The following RGPD3 variants were observed in gnomAD, a reference collection of about 807,000 sequenced individuals.
RGPD3 encodes the protein ranBP2-like and GRIP domain-containing protein 3.
A neutral mutation model predicts 154.5 loss-of-function variants in RGPD3; 62 were observed. The ratio of observed to expected loss-of-function variants is 0.40; its 90% CI spans 0.33 to 0.50. RGPD3 has a LOEUF of 0.50. Ranked by LOEUF, RGPD3 falls within the 20% of genes least tolerant of loss-of-function variation. RGPD3 has a pLI of 0.59. For missense variants in RGPD3, 919 were observed against 1,716.8 expected, an observed-to-expected ratio of 0.54 and a Z score of 8.21; for synonymous variants, 308 against 607.0, an observed-to-expected ratio of 0.51 and a Z score of 7.24.
chr2:106,469,825 T>C (rs575015110), upstream of RGPD3, among the ~76,000 whole-genome samples: 436 of 152,310 alleles, frequency 2.9e-3, 3 homozygotes, highest in African/African-American at 0.01. Context: ...CAACCTCACT[T>C]GGAGGCTAAC....
chr2:106,469,321 T>A (rs1223627573), upstream of RGPD3, among the ~76,000 whole-genome samples: 1 of 150,210 alleles, frequency 6.7e-6, no homozygotes, highest in Non-Finnish European at 1.5e-5. Flanking sequence ...AAAAAGGCAC[T>A]ATTACCAGGC....
intron 22 of RGPD3, among the ~76,000 whole-genome samples, chr2:106,409,817 T>C (rs1676614961): frequency 6.6e-6 from 1 of 151,176 alleles, no homozygotes; most frequent in Non-Finnish European, 1.5e-5. Flanking sequence ...TCTTGTTTTT[T>C]GTTTCTCCCA....
chr2:106,436,349 GA>G (rs1677551646), intron 11 of RGPD3, 64 bp downstream of exon 11: 1 of 1,610,154 alleles, frequency 6.2e-7, no homozygotes. Flanking sequence ...ATCTTCACAC[GA>G]GGATTAAATC....
intron 22 of RGPD3, among the ~76,000 whole-genome samples, chr2:106,407,245 C>T (rs1676543145): frequency 4.6e-5 from 7 of 151,942 alleles, no homozygotes; most frequent in Admixed American, 4.6e-4. Context: ...CAGAGAGAGT[C>T]CGCTAGCAAG....
chr2:106,442,714 TC>T (rs962483655), intron 7 of RGPD3, among the ~76,000 whole-genome samples: 2 of 113,950 alleles, frequency 1.8e-5, no homozygotes, highest in African/African-American at 7.1e-5. Flanking sequence ...TGAATGTCCA[TC>T]ACTGAAAACG....
rs1256081445 is a variant in RGPD3, at chr2:106,423,850, G to A, written c.4117C>T (p.Gln1373Ter). 2 of 1,611,692 alleles carry A rather than the reference G, an allele frequency of 1.2e-6. No homozygotes were observed. Among genetic ancestry groups the A allele is most frequent in the Admixed American group, 3.3e-5 (2 of 59,976 alleles). ...EFYRYDKDVG[Q>*]WKERGIGDIK... ...TCACCAATGCCCCTTTCTTTCCATT[G>A]ACCAACATCTTTATCATATCTGTAG... The change falls in exon 20 of 23, where the codon CAA becomes TAA. Residue 1373 changes from glutamine (Q) to a stop codon, truncating the protein, a stop_gained. Coordinates refer to ENST00000409886, the MANE Select transcript of RGPD3 (RefSeq NM_001144013.2). LOFTEE classifies it high-confidence loss of function.
intron 20 of RGPD3, 126 bp downstream of exon 20, chr2:106,422,917 A>T: frequency 1.3e-6 from 2 of 1,582,394 alleles, no homozygotes; most frequent in Non-Finnish European, 1.7e-6. Flanking sequence ...AAATTGCTCA[A>T]ATATTTTAGG....
chr2:106,437,568 G>GTA (rs2104480188), intron 9 of RGPD3, among the ~76,000 whole-genome samples: 1 of 152,314 alleles, frequency 6.6e-6, no homozygotes, highest in African/African-American at 2.4e-5. Context: ...GCATGAAGAG[G>GTA]TATAATCTTT....
intron 4 of RGPD3, among the ~76,000 whole-genome samples, chr2:106,455,127 C>G (rs1176236551): frequency 1.6e-4 from 25 of 152,344 alleles, no homozygotes; most frequent in African/African-American, 6.0e-4. Flanking sequence ...GAGATAGCAC[C>G]ACTGCACTCC....
Position 106,424,661 on chromosome 2 carries a change from T to A in RGPD3, c.3306A>T (p.Arg1102Ser). 3 of 1,612,024 alleles carry A rather than the reference T, an allele frequency of 1.9e-6. No homozygotes were observed. The highest frequency in any genetic ancestry group is 2.5e-6 in the Non-Finnish European group (3 of 1,179,864). The change falls in exon 20 of 23, where the codon AGA becomes AGT. Residue 1102 changes from arginine (R) to serine (S), a missense_variant. Coordinates refer to ENST00000409886, the MANE Select transcript of RGPD3 (RefSeq NM_001144013.2). ...TAGCACACACTTTTAGTACTTGTTC[T>A]CTTTGCATCAGCATTCTTACTTTGC... ...VNGKVRMLMQ[R>S]EQVLKVCANH...
chr2:106,451,173 G>T (rs1346537685), intron 6 of RGPD3, among the ~76,000 whole-genome samples: 1 of 150,580 alleles, frequency 6.6e-6, no homozygotes, highest in African/African-American at 2.4e-5. Context: ...TAAGAAAAAT[G>T]TAAAAGGAAC....
chr2:106,441,727 G>A (rs1307754774), intron 7 of RGPD3, among the ~76,000 whole-genome samples: 1 of 151,244 alleles, frequency 6.6e-6, no homozygotes, highest in Admixed American at 6.6e-5. Context: ...GCCAGGCGTG[G>A]TGGCACACAC....
At chr2:106,464,105 G>T (rs1678486008) in intron 1 of RGPD3, among the ~76,000 whole-genome samples, 1 of 152,176 alleles carries the variant, frequency 6.6e-6, no homozygotes, top group South Asian at 2.1e-4. Context: ...CGGCACTTTG[G>T]GAGGCTGAGG....
intron 1 of RGPD3, among the ~76,000 whole-genome samples, chr2:106,465,884 C>T (rs907407023): frequency 2.6e-5 from 4 of 151,886 alleles, no homozygotes; most frequent in South Asian, 2.1e-4. Context: ...GTGTCATTTG[C>T]GCCGTCGGGC....
intron 4 of RGPD3, among the ~76,000 whole-genome samples, chr2:106,455,065 C>G (rs1171170861): frequency 6.6e-6 from 1 of 152,170 alleles, no homozygotes; most frequent in Non-Finnish European, 1.5e-5. Context: ...CTTTGGGAGG[C>G]CAAAGTGGGT....
At chr2:106,444,661 C>T (rs1316019615) in intron 7 of RGPD3, among the ~76,000 whole-genome samples, 1 of 143,104 alleles carries the variant, frequency 7.0e-6, no homozygotes, top group African/African-American at 2.6e-5. Flanking sequence ...CTTGTCTTTA[C>T]AAAAAATTTA....
intron 21 of RGPD3, among the ~76,000 whole-genome samples, chr2:106,415,152 TC>T (rs1330104967): frequency 6.6e-6 from 1 of 150,398 alleles, no homozygotes; most frequent in African/African-American, 2.5e-5. Context: ...AGGAAAAACT[TC>T]CCATGCCACT....
chr2:106,441,696 A>G (rs1314881136), intron 7 of RGPD3, among the ~76,000 whole-genome samples: 2 of 150,258 alleles, frequency 1.3e-5, no homozygotes, highest in Non-Finnish European at 3.0e-5. Flanking sequence ...CTCTACTAAA[A>G]ATAAAAAAAA....
intron 1 of RGPD3, among the ~76,000 whole-genome samples, chr2:106,466,273 C>T (rs1323327906): frequency 1.3e-5 from 2 of 151,926 alleles, no homozygotes; most frequent in African/African-American, 4.8e-5. Context: ...GCGCCGCCCA[C>T]AGGACTGCGC....
Sources: gnomAD v4.1 joint callset for allele counts (sites outside exome capture counted in the v4.1 genomes callset) on GRCh38, gnomAD v4.1.1 for gene constraint, MANE v1.5 for transcripts, NCBI Gene and HGNC (gene_info 2026-07-23, HGNC 2026-07-21) for gene names.